The following FGF14 variants were observed in gnomAD, a reference collection of about 807,000 sequenced individuals.
FGF14 encodes fibroblast growth factor 14, also known as fibroblast growth factor homologous factor 4.
In FGF14, 5 loss-of-function variants were observed where a neutral mutation model predicts 25.5. The ratio of observed to expected loss-of-function variants is 0.20; its 90% CI spans 0.10 to 0.41. The LOEUF (loss-of-function observed/expected upper bound fraction) is 0.41, where lower values mean the gene tolerates loss of function less well. FGF14 is among the 10% of genes least tolerant of loss of function. FGF14 has a pLI of 1.00. For synonymous variants in FGF14, 138 were observed against 118.3 expected (o/e 1.17, Z -1.08); for missense variants, 222 against 320.1 (o/e 0.69, Z 2.34).
chr13:101,715,418 GTAA>G lies in FGF14; in HGVS notation c.*7410_*7412del. 1 of 675,344 alleles carries G rather than the reference GTAA, an allele frequency of 1.5e-6. No homozygotes were observed. Among genetic ancestry groups the G allele is most frequent in the Non-Finnish European group, 2.7e-6 (1 of 375,670 alleles). The allele number at this position is 675,344 out of a possible 1,614,324, so 41.8% of individuals were successfully genotyped here. On this transcript the variant is annotated 3_prime_UTR_variant, in exon 5 of 5. Coordinates refer to ENST00000376143, the MANE Select transcript of FGF14 (RefSeq NM_004115.4). ...ATGTCTCGCAGCTGCTTAATAAGAT[GTAA>G]TAATAACATCATTGCACAATAAGAA...
intron 1 of FGF14, among the ~76,000 whole-genome samples, chr13:102,095,902 T>C (rs1258003207): frequency 6.6e-6 from 1 of 151,878 alleles, no homozygotes; most frequent in African/African-American, 2.4e-5. Flanking sequence ...TATATATGAA[T>C]TTTCTACTGT....
rs1380250302 is a variant in FGF14 at position 101,712,248 on chromosome 13, C to G, written c.*10583G>C. ...ATAACACAGCTGGGAAAATGCTGACCTAGAAATGCTACTGTTTCATGACAC... is the reference window on the plus strand; with the variant it reads ...ATAACACAGCTGGGAAAATGCTGACGTAGAAATGCTACTGTTTCATGACAC... On this transcript the variant is annotated 3_prime_UTR_variant, in exon 5 of 5. Coordinates refer to ENST00000376143, the MANE Select transcript of FGF14 (RefSeq NM_004115.4). 6.6e-6 allele frequency: 1 copy of G among 152,136 alleles called. No individual in the cohort carries two copies. Among genetic ancestry groups the G allele is most frequent in the Non-Finnish European group, 1.5e-5 (1 of 68,022 alleles). 9.4% of individuals were successfully genotyped at this position (152,136 alleles called of 1,614,324 possible). A position where few individuals can be genotyped will look rare whatever the true frequency, so the allele number is the denominator to read the frequency against.
At chr13:102,335,401 C>A (rs530929364) in intron 1 of FGF14, among the ~76,000 whole-genome samples, 1 of 152,220 alleles carries the variant, frequency 6.6e-6, no homozygotes, top group Admixed American at 6.5e-5. Context: ...TATGCACTGG[C>A]CTATTCCATA....
At chr13:101,815,405 C>A (rs900381759) in intron 3 of FGF14, among the ~76,000 whole-genome samples, 1 of 152,138 alleles carries the variant, frequency 6.6e-6, no homozygotes, top group African/African-American at 2.4e-5. Context: ...CTCCAAAGGG[C>A]TAATCACAGA....
At chr13:102,308,307 C>G (rs572087116) in intron 1 of FGF14, among the ~76,000 whole-genome samples, 1 of 152,278 alleles carries the variant, frequency 6.6e-6, no homozygotes, top group East Asian at 1.9e-4. Context: ...TTTTTACATT[C>G]AATCCTGATT....
rs373123844 is a variant in FGF14, at chr13:102,024,982, T to C, written c.209-149686A>G. Among the ~76,000 whole-genome samples the C allele has an allele frequency of 3.3e-5, 5 of 150,934 alleles. No individual in the cohort carries two copies. The South Asian group carries it at 8.3e-4, about 25-fold the overall frequency. On this transcript the variant is annotated intron_variant, in intron 1 of 4. Coordinates refer to the FGF14 transcript ENST00000376131. ...ATATGTAAAATGGAATTTATATATA[T>C]ACACACACACATATATAAACACACA...
In FGF14 at chr13:101,892,242, T is replaced by G. The variant is rs751998545; in HGVS notation, c.194-16946A>C. Among the ~76,000 whole-genome samples, 4 of 152,178 alleles carry G rather than the reference T, an allele frequency of 2.6e-5. No homozygotes were observed. The East Asian group carries it at 5.8e-4, about 22-fold the overall frequency. On this transcript the variant is annotated intron_variant, in intron 1 of 4. Coordinates refer to ENST00000376143, the MANE Select transcript of FGF14 (RefSeq NM_004115.4). Reference sequence around the variant, plus strand: ...CTCTTAATTTTCCCCTAAGGAAAAGTGCCTTATATTACCTAAAAAATTTTT... The same window carrying G: ...CTCTTAATTTTCCCCTAAGGAAAAGGGCCTTATATTACCTAAAAAATTTTT...
At chr13:102,176,991 A>G (rs1467350456) in intron 1 of FGF14, among the ~76,000 whole-genome samples, 1 of 152,160 alleles carries the variant, frequency 6.6e-6, no homozygotes, top group Non-Finnish European at 1.5e-5. Context: ...AAAAAACAGG[A>G]GTCAGCTGTA....
chr13:102,103,765 C>T (rs1318679466), intron 1 of FGF14, among the ~76,000 whole-genome samples: 2 of 152,148 alleles, frequency 1.3e-5, no homozygotes, highest in African/African-American at 4.8e-5. Context: ...CCTGGCCCCA[C>T]CCTGCTTTGG....
chr13:102,048,315 G>A (rs2042079702), intron 1 of FGF14, among the ~76,000 whole-genome samples: 1 of 152,170 alleles, frequency 6.6e-6, no homozygotes, highest in Non-Finnish European at 1.5e-5. Flanking sequence ...ATAAATACCT[G>A]TACTGCATGG....
In FGF14 at chr13:101,977,084, A is replaced by G. The variant is rs1164934810; in HGVS notation, c.209-101788T>C. Among the ~76,000 whole-genome samples, 5 of 152,216 alleles carry G rather than the reference A, an allele frequency of 3.3e-5. No individual in the cohort carries two copies. In the South Asian group the frequency reaches 8.3e-4, roughly 25 times the overall value. On this transcript the variant is annotated intron_variant, in intron 1 of 4. Transcript: ENST00000376131. Reference sequence around the variant, plus strand: ...AAGCATAATTAACACAGAAAGGTATATAAATCATGAATAGATAGAAGAATT... The same window carrying G: ...AAGCATAATTAACACAGAAAGGTATGTAAATCATGAATAGATAGAAGAATT...
chr13:102,099,001 C>T (rs1436851474), intron 1 of FGF14, among the ~76,000 whole-genome samples: 1 of 152,138 alleles, frequency 6.6e-6, no homozygotes, highest in Non-Finnish European at 1.5e-5. Context: ...ATATGTGAAG[C>T]AGGCAGGAAG....
intron 1 of FGF14, among the ~76,000 whole-genome samples, chr13:102,208,443 G>T (rs553851581): frequency 6.6e-6 from 1 of 152,278 alleles, no homozygotes; most frequent in East Asian, 1.9e-4. Flanking sequence ...CATATTAGCA[G>T]ATCACACACT....
At chr13:101,939,197 T>C (rs1276784821) in intron 1 of FGF14, among the ~76,000 whole-genome samples, 2 of 152,228 alleles carry the variant, frequency 1.3e-5, no homozygotes, top group East Asian at 1.9e-4. Context: ...TCCTTTGTTA[T>C]ACTTTCTCAT....
rs2034642827 is a variant in FGF14 at position 101,714,887 on chromosome 13, T to G, written c.*7944A>C. The G allele has an allele frequency of 7.5e-6, 2 of 267,004 alleles. No individual in the cohort carries two copies. Among genetic ancestry groups the G allele is most frequent in the Admixed American group, 4.9e-5 (1 of 20,504 alleles). 16.5% of individuals were successfully genotyped at this position (267,004 alleles called of 1,614,324 possible). A position where few individuals can be genotyped will look rare whatever the true frequency, so the allele number is the denominator to read the frequency against. ...CAACCATTTTACTTTGAACATGGTA[T>G]AGGGAATGAAATATTCTTTTAAACA... On this transcript the variant is annotated 3_prime_UTR_variant, in exon 5 of 5. Coordinates refer to ENST00000376143, the MANE Select transcript of FGF14 (RefSeq NM_004115.4).
chr13:101,890,107 A>AACAAT, intron 1 of FGF14, among the ~76,000 whole-genome samples: 1 of 152,328 alleles, frequency 6.6e-6, no homozygotes, highest in African/African-American at 2.4e-5. Flanking sequence ...AACAAAACAA[A>AACAAT]ACAAAAGACA....
intron 1 of FGF14, among the ~76,000 whole-genome samples, chr13:102,225,345 G>C (rs1237709562): frequency 6.6e-6 from 1 of 152,170 alleles, no homozygotes; most frequent in Non-Finnish European, 1.5e-5. Context: ...TTGCTAGACA[G>C]AGTAACTATA....
intron 1 of FGF14, among the ~76,000 whole-genome samples, chr13:102,063,858 A>G (rs2042790897): frequency 6.6e-6 from 1 of 152,158 alleles, no homozygotes; most frequent in Non-Finnish European, 1.5e-5. Context: ...AACACTTAAT[A>G]TATTATGTCA....
chr13:102,039,302 G>A (rs2041619911), intron 1 of FGF14, among the ~76,000 whole-genome samples: 2 of 152,166 alleles, frequency 1.3e-5, no homozygotes, highest in Admixed American at 1.3e-4. Flanking sequence ...AGTTTGTGGA[G>A]TGGTATGTCA....
Sources: allele counts gnomAD v4.1 joint callset (sites outside exome capture counted in the v4.1 genomes callset), GRCh38; gene constraint gnomAD v4.1.1; transcripts MANE v1.5; gene names NCBI Gene and HGNC (gene_info 2026-07-23, HGNC 2026-07-21).